Variants in TTN observed in about 807,000 individuals in gnomAD.
The protein encoded by TTN is connectin.
TTN carries 1,525 observed loss-of-function variants against 3,223.0 expected under a neutral mutation model. The ratio of observed to expected loss-of-function variants is 0.47; its 90% CI spans 0.45 to 0.49. The LOEUF (loss-of-function observed/expected upper bound fraction) is 0.49. Ranked by LOEUF, TTN falls within the 20% of genes least tolerant of loss-of-function variation. The probability of loss-of-function intolerance (pLI) is 0.00; values close to 1 mark genes in which losing one functional copy is unlikely to be tolerated. For missense variants in TTN, 40,786 were observed against 43,424.0 expected (o/e 0.94, Z 5.40); for synonymous variants, 14,094 against 15,161.0 (o/e 0.93, Z 5.17).
At chr2:178,577,536 T>C in intron 323 of TTN, 26 bp from the exon 324 acceptor site, 4 of 1,553,960 alleles carry the variant, frequency 2.6e-6, no homozygotes, top group Non-Finnish European at 2.6e-6. Flanking sequence ...TACATTTTAA[T>C]CAGAAAAGGA....
chr2:178,589,628 T>A lies in TTN; in HGVS notation c.62097A>T (p.Pro20699=). 6.2e-7 allele frequency: 1 copy of A among 1,613,352 alleles called. No individual in the cohort carries two copies. The highest frequency in any genetic ancestry group is 8.5e-7 in the Non-Finnish European group (1 of 1,179,514). The change falls in exon 304 of 363, where the codon CCA becomes CCT. Residue 20699 remains proline, a synonymous_variant. Coordinates refer to ENST00000589042, the MANE Select transcript of TTN (RefSeq NM_001267550.2). ...WRRPDYDGGS[P]NLSYHVERRL... ...TTCTCTCAACATGATATGACAGATT[T>A]GGACTGCCACCATCATAGTCAGGCC...
chr2:178,642,625 C>G (rs2061390548), intron 218 of TTN, among the ~76,000 whole-genome samples: 1 of 151,936 alleles, frequency 6.6e-6, no homozygotes, highest in African/African-American at 2.4e-5. Flanking sequence ...GGGTTCTTGA[C>G]AGCATCTTTG....
chr2:178,609,487 G>T lies in TTN; in HGVS notation c.51823C>A (p.Pro17275Thr). 1 of 1,612,472 alleles carries T rather than the reference G, an allele frequency of 6.2e-7. No homozygotes were observed. Among genetic ancestry groups the T allele is most frequent in the Non-Finnish European group, 8.5e-7 (1 of 1,179,124 alleles). Reference sequence around the variant, plus strand: ...TTTATCCATGTAATAGTTGGGTAAGGTGATCCAGAAATACTTGCATCAAGT... The same window carrying T: ...TTTATCCATGTAATAGTTGGGTAAGTTGATCCAGAAATACTTGCATCAAGT... ...IALDASISGS[P>T]YPTITWIKDE... The change falls in exon 273 of 363, where the codon CCT (proline) becomes ACT (threonine). Residue 17275 changes from proline (P) to threonine (T), a missense_variant. Pro to Thr is a conservative substitution (Grantham distance 38). Coordinates refer to ENST00000589042, the MANE Select transcript of TTN (RefSeq NM_001267550.2).
Position 178,622,097 on chromosome 2 carries a change from A to G in TTN, c.44914-89T>C. On this transcript the variant is annotated intron_variant, in intron 243 of 362. Coordinates refer to ENST00000589042, the MANE Select transcript of TTN (RefSeq NM_001267550.2). The stretch of plus-strand genomic sequence containing the variant: ...AAAACTATGATCCTGAGTTTTTCTG[A>G]AAGCAACCAACAAGACTTCATAGTG... 3.2e-6 allele frequency: 4 copies of G among 1,266,302 alleles called. No homozygotes were observed. In the South Asian group the frequency reaches 6.0e-5, roughly 19 times the overall value. The allele number at this position is 1,266,302 out of a possible 1,614,324, so 78.4% of individuals were successfully genotyped here. A position where few individuals can be genotyped will look rare whatever the true frequency, so the allele number is the denominator to read the frequency against.
chr2:178,568,485 TG>T lies in TTN; in HGVS notation c.77646del (p.Ile25883SerfsTer4), dbSNP rs2154167034. On this transcript the variant is annotated frameshift_variant, in exon 326 of 363. Transcript: ENST00000589042. LOFTEE classifies it high-confidence loss of function. The part of the protein sequence containing the change: ...VANVVGQKTA[S>X]IEIVTLDKPD... ...GGTTTATCTAGAGTTACAATTTCGA[TG>T]GATGCTGTCTTCTGACCAACAACAT... The T allele has an allele frequency of 1.2e-6, 2 of 1,613,450 alleles. No individual in the cohort carries two copies. Among genetic ancestry groups the T allele is most frequent in the Non-Finnish European group, 1.7e-6 (2 of 1,179,602 alleles).
rs909618837 is a variant in TTN, at chr2:178,649,813, G to A, written c.39895+4C>T. ...AAATGAAGTATTCATTTTAACATGA[G>A]TACCTTTAGGAGGCGGTGCTTCTGG... is the stretch of plus-strand genomic sequence containing the variant. On this transcript the variant is annotated splice_donor_region_variant and intron_variant, in intron 211 of 362. Coordinates refer to ENST00000589042, the MANE Select transcript of TTN (RefSeq NM_001267550.2). The A allele has an allele frequency of 1.2e-6, 2 of 1,611,050 alleles. No individual in the cohort carries two copies. Among genetic ancestry groups the A allele is most frequent in the Middle Eastern group, 1.7e-4 (1 of 6,040 alleles).
chr2:178,634,147 A>G lies in TTN; in HGVS notation c.42416-64T>C. On this transcript the variant is annotated intron_variant, in intron 230 of 362. Transcript: ENST00000589042. The surrounding 1 kb of genome is among the most constrained non-coding windows in gnomAD (Gnocchi z 4.6). ...TCACCTTCAGAAAGATTCCATTCTAATCTGCCTGAGTAAAAGGGACCCATT... is the reference window on the plus strand; with the variant it reads ...TCACCTTCAGAAAGATTCCATTCTAGTCTGCCTGAGTAAAAGGGACCCATT... 6.3e-7 allele frequency: 1 copy of G among 1,590,202 alleles called. No homozygotes were observed. The highest frequency in any genetic ancestry group is 1.1e-5 in the South Asian group (1 of 87,350).
intron 99 of TTN, among the ~76,000 whole-genome samples, chr2:178,708,566 T>C (rs1049763239): frequency 6.6e-6 from 1 of 152,224 alleles, no homozygotes; most frequent in Non-Finnish European, 1.5e-5. Context: ...AAACATTTTA[T>C]AAATAGCTTC....
Position 178,562,712 on chromosome 2 carries a change from T to C in TTN, c.83420A>G (p.Glu27807Gly). The C allele has an allele frequency of 1.9e-6, 3 of 1,597,110 alleles. No homozygotes were observed. Among genetic ancestry groups the C allele is most frequent in the Non-Finnish European group, 2.6e-6 (3 of 1,172,852 alleles). ...KITNYIVEKR[E>G]TTRKAYATIT... ...GGTAGCATAGGCTTTTCTTGTAGTT[T>C]CTCGTTTTTCGACAATGTAGTTTGT... is the stretch of plus-strand genomic sequence containing the variant. Residue 27807 changes from glutamate to glycine, a missense_variant, in exon 326 of 363, where the codon GAA (glutamate) becomes GGA (glycine). Physicochemically the swap from Glu to Gly is moderately conservative, Grantham distance 98 (BLOSUM62 -2). Coordinates refer to ENST00000589042, the MANE Select transcript of TTN (RefSeq NM_001267550.2).
In TTN at chr2:178,587,408, C is replaced by T; in HGVS notation, c.63803G>A (p.Gly21268Glu). The T allele has an allele frequency of 6.2e-7, 1 of 1,608,512 alleles. No homozygotes were observed. Among genetic ancestry groups the T allele is most frequent in the Non-Finnish European group, 8.5e-7 (1 of 1,177,266 alleles). ...FVNVRVLDTP[G>E]PVSDLKVSDV... is the part of the protein sequence containing the mutation. ...TGAAACTTTTAAATCAGACACAGGC[C>T]CAGGAGTGTCTGTAAAGAATCATAA... Residue 21268 changes from glycine (G) to glutamate (E), a missense_variant, in exon 307 of 363, where the codon GGG becomes GAG. Transcript: ENST00000589042.
chr2:178,593,025 A>G lies in TTN; in HGVS notation c.59094T>C (p.Asp19698=), dbSNP rs1174962164. ...CATGACGTGGTGGCTGCCAAGTTAG[A>G]TCGACTGAATTGCATGTTGTATCTA... ...EAIDTTCNSV[D]LTWQPPRHDG... is the part of the protein sequence containing the mutation. Residue 19698 remains aspartate (D), a synonymous_variant, in exon 300 of 363, where the codon GAT becomes GAC. Coordinates refer to ENST00000589042, the MANE Select transcript of TTN (RefSeq NM_001267550.2). The G allele has an allele frequency of 2.5e-6, 4 of 1,613,354 alleles. No individual in the cohort carries two copies. Among genetic ancestry groups the G allele is most frequent in the East Asian group, 2.2e-5 (1 of 44,768 alleles).
intron 99 of TTN, among the ~76,000 whole-genome samples, chr2:178,709,111 A>G (rs975981909): frequency 1.3e-5 from 2 of 152,230 alleles, no homozygotes; most frequent in East Asian, 1.9e-4. Context: ...TTTGGGCAAT[A>G]TACATTAAAC....
rs1387446421 is a variant in TTN, at chr2:178,568,848, T to G, written c.77284A>C (p.Thr25762Pro). Residue 25762 changes from threonine to proline, a missense_variant, in exon 326 of 363, where the codon ACT becomes CCT. Thr to Pro is a conservative substitution (Grantham distance 38). Transcript: ENST00000589042. Reference protein sequence around the residue: ...KSLQAVITNLTQGEEYLFRVV... With the variant: ...KSLQAVITNLPQGEEYLFRVV... ...CTAAAAAGATATTCTTCCCCTTGAG[T>G]TAGGTTGGTAATTACTGCCTGAAGA... 6.2e-7 allele frequency: 1 copy of G among 1,613,080 alleles called. No homozygotes were observed. Among genetic ancestry groups the G allele is most frequent in the East Asian group, 2.2e-5 (1 of 44,792 alleles).
At chr2:178,644,508 G>C (rs1361920346) in intron 218 of TTN, 40 bp downstream of exon 218, 1 of 1,454,392 alleles carries the variant, frequency 6.9e-7, no homozygotes, top group Non-Finnish European at 9.2e-7. Context: ...TCAGGTAAAG[G>C]GGTACTACAT....
rs770250820 is a variant in TTN at position 178,574,520 on chromosome 2, A to G, written c.71612T>C (p.Ile23871Thr). ...YHVERKERNG[I>T]LWQTVSKALV... is the part of the protein sequence containing the mutation. ...AGCTTTGCTCACAGTCTGCCAGAGAATACCATTTCGTTCTTTTCTTTCAAC... is the reference window on the plus strand; with the variant it reads ...AGCTTTGCTCACAGTCTGCCAGAGAGTACCATTTCGTTCTTTTCTTTCAAC... Residue 23871 changes from isoleucine (I) to threonine (T), a missense_variant, in exon 326 of 363, where the codon ATT (isoleucine) becomes ACT (threonine). Ile to Thr is a moderately conservative substitution (Grantham distance 89). Transcript: ENST00000589042. The G allele has an allele frequency of 6.2e-7, 1 of 1,613,642 alleles. No individual in the cohort carries two copies. The highest frequency in any genetic ancestry group is 2.2e-5 in the East Asian group (1 of 44,836).
rs1700388515 is a variant in TTN, at chr2:178,554,142, G to T, written c.88969C>A (p.Pro29657Thr). 6.2e-7 allele frequency: 1 copy of T among 1,613,674 alleles called. No individual in the cohort carries two copies. Among genetic ancestry groups the T allele is most frequent in the Non-Finnish European group, 8.5e-7 (1 of 1,179,778 alleles). Reference sequence around the variant, plus strand: ...ATATCACTACCGCCATCTGCAATTGGCCTGCTCCATACAACAGTCATCGAA... The same window carrying T: ...ATATCACTACCGCCATCTGCAATTGTCCTGCTCCATACAACAGTCATCGAA... ...KNSMTVVWSR[P>T]IADGGSDISG... is the part of the protein sequence containing the mutation. The change falls in exon 333 of 363, where the codon CCA becomes ACA. Residue 29657 changes from proline (P) to threonine (T), a missense_variant. Pro to Thr is a conservative substitution (Grantham distance 38). Coordinates refer to ENST00000589042, the MANE Select transcript of TTN (RefSeq NM_001267550.2).
chr2:178,613,988 G>T, intron 262 of TTN, 51 bp from the exon 263 acceptor site: 1 of 1,608,842 alleles, frequency 6.2e-7, no homozygotes, highest in South Asian at 1.1e-5. Flanking sequence ...ATATAAATAT[G>T]ACACCAAAAT....
intron 150 of TTN, among the ~76,000 whole-genome samples, chr2:178,674,793 C>G (rs1466933885): frequency 6.6e-6 from 1 of 151,630 alleles, no homozygotes; most frequent in Non-Finnish European, 1.5e-5. Context: ...ACAGCAAATA[C>G]AGTTTCCCTT....
At chr2:178,559,019 C>CTG (rs201611599) in intron 326 of TTN, 158 of 275,454 alleles carry the variant, frequency 5.7e-4, no homozygotes, top group African/African-American at 3.5e-3. Flanking sequence ...TATATATAAT[C>CTG]TGTGTATATA....
Sources: allele counts gnomAD v4.1 joint callset (sites outside exome capture counted in the v4.1 genomes callset), GRCh38; gene constraint gnomAD v4.1.1; non-coding constraint Gnocchi (gnomAD v3.1); transcripts MANE v1.5; gene names NCBI Gene and HGNC (gene_info 2026-07-23, HGNC 2026-07-21).